Variants in RBFOX1 observed in about 807,000 individuals in gnomAD.
The protein encoded by RBFOX1 is RNA binding fox-1 homolog 1.
In RBFOX1, 8 loss-of-function variants were observed where a neutral mutation model predicts 57.7. The observed-to-expected ratio is 0.14, with a 90% CI of 0.08 to 0.25. RBFOX1 has a LOEUF of 0.25. Ranked by LOEUF, RBFOX1 falls within the 10% of genes least tolerant of loss-of-function variation. RBFOX1 has a pLI of 1.00. For synonymous variants in RBFOX1, 326 were observed against 222.4 expected, an observed-to-expected ratio of 1.47 and a Z score of -4.15; for missense variants, 611 against 548.5, an observed-to-expected ratio of 1.11 and a Z score of -1.14.
chr16:6,642,474 G>A (rs1374676842), intron 2 of RBFOX1, among the ~76,000 whole-genome samples: 4 of 151,982 alleles, frequency 2.6e-5, no homozygotes, highest in Non-Finnish European at 5.9e-5. Flanking sequence ...TCGGTACTAT[G>A]TTTAATTGTG....
At chr16:6,273,548 G>C (rs916914486) in intron 1 of RBFOX1, among the ~76,000 whole-genome samples, 2 of 151,724 alleles carry the variant, frequency 1.3e-5, no homozygotes, top group African/African-American at 4.8e-5. Context: ...GCTTCTCCAT[G>C]TTGGTCAGGC....
intron 1 of RBFOX1, among the ~76,000 whole-genome samples, chr16:6,023,760 C>A (rs1489462717): frequency 6.6e-6 from 1 of 152,200 alleles, no homozygotes; most frequent in Non-Finnish European, 1.5e-5. Context: ...ATCCTTTAAT[C>A]TGTCGCTTTC....
chr16:6,493,573 C>T (rs1409501427), intron 2 of RBFOX1, among the ~76,000 whole-genome samples: 1 of 152,074 alleles, frequency 6.6e-6, no homozygotes, highest in Admixed American at 6.6e-5. Context: ...GTATTTTGTG[C>T]CGAATTTCCC....
At chr16:7,019,803 C>A (rs1182962269) in intron 3 of RBFOX1, among the ~76,000 whole-genome samples, 1 of 152,182 alleles carries the variant, frequency 6.6e-6, no homozygotes, top group Non-Finnish European at 1.5e-5. Context: ...CGCCCCAATT[C>A]CCATTAATCC....
chr16:5,880,821 G>C (rs773515745), intron 4 of RBFOX1, among the ~76,000 whole-genome samples: 1 of 152,164 alleles, frequency 6.6e-6, no homozygotes, highest in African/African-American at 2.4e-5. Flanking sequence ...TATTTATATT[G>C]AAATACATTT....
chr16:5,377,817 C>T (rs914013159), intron 1 of RBFOX1, among the ~76,000 whole-genome samples: 2 of 151,510 alleles, frequency 1.3e-5, no homozygotes, highest in African/African-American at 2.5e-5. Context: ...GCAAAAAAGC[C>T]TTCTGAAACA....
At chr16:5,979,830 C>T (rs185837859) in intron 4 of RBFOX1, among the ~76,000 whole-genome samples, 1 of 152,190 alleles carries the variant, frequency 6.6e-6, no homozygotes, top group African/African-American at 2.4e-5. Flanking sequence ...CCACTGCGCT[C>T]CAGCCTGGCA....
At chr16:6,432,394 G>A (rs1222148362) in intron 2 of RBFOX1, among the ~76,000 whole-genome samples, 7 of 152,092 alleles carry the variant, frequency 4.6e-5, no homozygotes, top group South Asian at 2.1e-4. Context: ...TAATGAGGCC[G>A]GGCACAGTGG....
chr16:6,181,803 C>A (rs1251598278), intron 1 of RBFOX1, among the ~76,000 whole-genome samples: 1 of 151,970 alleles, frequency 6.6e-6, no homozygotes, highest in South Asian at 2.1e-4. Flanking sequence ...TCAGTGATGC[C>A]GTATAATTAA....
intron 4 of RBFOX1, among the ~76,000 whole-genome samples, chr16:7,241,532 C>G (rs578222626): frequency 1.3e-4 from 20 of 152,270 alleles, no homozygotes; most frequent in African/African-American, 4.8e-4. Context: ...ACAGCAAACA[C>G]TTTTATGGCA....
At chr16:7,309,955 T>G (rs144614187) in intron 4 of RBFOX1, among the ~76,000 whole-genome samples, 1 of 152,158 alleles carries the variant, frequency 6.6e-6, no homozygotes, top group Non-Finnish European at 1.5e-5. Context: ...GCAAAGAAAG[T>G]TCCATTCATC....
intron 4 of RBFOX1, among the ~76,000 whole-genome samples, chr16:7,339,459 G>C (rs941333183): frequency 6.6e-6 from 1 of 152,160 alleles, no homozygotes; most frequent in Non-Finnish European, 1.5e-5. Context: ...TTATTATTTT[G>C]TGACGGAATC....
At chr16:6,766,292 A>G (rs796373439) in intron 3 of RBFOX1, among the ~76,000 whole-genome samples, 22 of 149,658 alleles carry the variant, frequency 1.5e-4, no homozygotes, top group African/African-American at 4.4e-4. Flanking sequence ...CAGAAAAAGT[A>G]AAGAATTTTT....
Position 6,019,764 on chromosome 16 carries a change from C to A in RBFOX1, c.-355C>A. The stretch of plus-strand genomic sequence containing the variant: ...GAGTCCTTGCGCTCCAGACCCCCAC[C>A]CAGTGGCCGCCAGGGTCCCCGCCTG... On this transcript the variant is annotated 5_prime_UTR_variant, in exon 1 of 16. Transcript: ENST00000550418. The surrounding 1 kb of genome is among the most constrained non-coding windows in gnomAD (Gnocchi z 4.2). The A allele has an allele frequency of 7.1e-7, 1 of 1,404,148 alleles. No individual in the cohort carries two copies. The highest frequency in any genetic ancestry group is 9.3e-7 in the Non-Finnish European group (1 of 1,078,204). 87.0% of individuals were successfully genotyped at this position (1,404,148 alleles called of 1,614,324 possible). A position where few individuals can be genotyped will look rare whatever the true frequency, so the allele number is the denominator to read the frequency against.
Position 6,583,506 on chromosome 16 carries a change from T to G in RBFOX1, c.-63-71097T>G, listed in dbSNP as rs186298553. Among the ~76,000 whole-genome samples, 890 of 152,328 alleles carry G rather than the reference T, an allele frequency of 5.8e-3. 7 individuals are homozygous for G. The highest frequency in any genetic ancestry group is 6.8e-3 in the Non-Finnish European group (460 of 68,026). ...GTCAATGGAGGAAATAACTAGAACT[T>G]TATTAGCTTCCATTTTACATTTTAT... On this transcript the variant is annotated intron_variant, in intron 2 of 15. Coordinates refer to ENST00000550418, the MANE Select transcript of RBFOX1 (RefSeq NM_018723.4).
chr16:6,950,843 TTTTC>T (rs1420845427), intron 3 of RBFOX1, among the ~76,000 whole-genome samples: 1 of 152,108 alleles, frequency 6.6e-6, no homozygotes, highest in African/African-American at 2.4e-5. Context: ...GCTCTTTCTT[TTTTC>T]TTTCTTTCTC....
At chr16:7,441,549 C>T (rs775776319) in intron 4 of RBFOX1, among the ~76,000 whole-genome samples, 5 of 151,706 alleles carry the variant, frequency 3.3e-5, no homozygotes, top group Admixed American at 6.6e-5. Flanking sequence ...CACGTCAGGG[C>T]TTGTAAACCT....
chr16:6,459,219 C>T (rs1715130527), intron 2 of RBFOX1, among the ~76,000 whole-genome samples: 1 of 152,142 alleles, frequency 6.6e-6, no homozygotes, highest in Non-Finnish European at 1.5e-5. Flanking sequence ...GCCTGTAGTC[C>T]CAGCTACTTG....
intron 4 of RBFOX1, among the ~76,000 whole-genome samples, chr16:5,961,742 G>A (rs2059754084): frequency 6.6e-6 from 1 of 152,046 alleles, no homozygotes; most frequent in South Asian, 2.1e-4. Context: ...TGCCCAGGCT[G>A]GTCTCAAACT....
Sources: allele counts gnomAD v4.1 joint callset (sites outside exome capture counted in the v4.1 genomes callset), GRCh38; gene constraint gnomAD v4.1.1; non-coding constraint Gnocchi (gnomAD v3.1); transcripts MANE v1.5; gene names NCBI Gene and HGNC (gene_info 2026-07-23, HGNC 2026-07-21).